The following ELP4 variants were observed in gnomAD, a reference collection of about 807,000 sequenced individuals.
ELP4 encodes the protein elongator complex protein 4.
In ELP4, 51 loss-of-function variants were observed where a neutral mutation model predicts 48.9. That is an observed-to-expected ratio of 1.04 (90% CI 0.83 to 1.32). The LOEUF (loss-of-function observed/expected upper bound fraction) is 1.32, where lower values mean the gene tolerates loss of function less well. ELP4 is among the 40% of genes most tolerant of loss of function. The pLI, the probability that ELP4 is intolerant of heterozygous loss-of-function variation, is 0.00. For missense variants in ELP4, 519 were observed against 514.6 expected (o/e 1.01, Z -0.08); for synonymous variants, 210 against 189.2 (o/e 1.11, Z -0.90).
chr11:31,518,306 A>G (rs931254585), intron 1 of ELP4, among the ~76,000 whole-genome samples: 3 of 151,640 alleles, frequency 2.0e-5, no homozygotes, highest in Non-Finnish European at 4.4e-5. Flanking sequence ...GCGTTTCACT[A>G]TGTTGGTCAG....
intron 3 of ELP4, among the ~76,000 whole-genome samples, chr11:31,590,556 A>G (rs1481634580): frequency 2.0e-5 from 3 of 152,198 alleles, no homozygotes; most frequent in East Asian, 1.9e-4. Context: ...AAAGAAACAG[A>G]TAAGTTGGGT....
chr11:31,608,320 A>G (rs1360628793), intron 5 of ELP4, among the ~76,000 whole-genome samples: 6 of 152,038 alleles, frequency 3.9e-5, no homozygotes, highest in Non-Finnish European at 7.4e-5. Context: ...GAGGTCCTGA[A>G]TGAGTTGATA....
At chr11:31,755,160 T>C (rs995128409) in intron 9 of ELP4, among the ~76,000 whole-genome samples, 6 of 152,130 alleles carry the variant, frequency 3.9e-5, no homozygotes, top group South Asian at 2.1e-4. Flanking sequence ...TAAAACAATT[T>C]GAGCAAGAAA....
At chr11:31,636,157 A>G (rs1434332447) in intron 7 of ELP4, among the ~76,000 whole-genome samples, 1 of 151,992 alleles carries the variant, frequency 6.6e-6, no homozygotes, top group African/African-American at 2.4e-5. Context: ...AAACAAGACA[A>G]ACAAGATTCC....
chr11:31,641,978 A>G (rs1353178688), intron 7 of ELP4, among the ~76,000 whole-genome samples: 3 of 152,004 alleles, frequency 2.0e-5, no homozygotes, highest in Non-Finnish European at 2.9e-5. Context: ...AAAGTACTAA[A>G]AAAAGATTTC....
At position 31,509,971 on chromosome 11, in the gene ELP4, G is replaced by T. The variant is rs1339928293; in HGVS notation, c.187G>T (p.Val63Leu). 5 of 1,612,544 alleles carry T rather than the reference G, an allele frequency of 3.1e-6. No individual in the cohort carries two copies. Among genetic ancestry groups the T allele is most frequent in the East Asian group, 2.2e-5 (1 of 44,876 alleles). ...RPSVRNGQLL[V>L]STGLPALDQL... ...GTCGGTGCGGAATGGACAGCTGCTGGTATCAACCGGGCTCCCAGCCCTAGA... is the reference window on the plus strand; with the variant it reads ...GTCGGTGCGGAATGGACAGCTGCTGTTATCAACCGGGCTCCCAGCCCTAGA... Residue 63 changes from valine (V) to leucine (L), a missense_variant, in exon 1 of 10, where the codon GTA becomes TTA. Transcript: ENST00000640961.
chr11:31,536,587 A>G (rs1956505519), intron 2 of ELP4, among the ~76,000 whole-genome samples: 1 of 152,126 alleles, frequency 6.6e-6, no homozygotes, highest in South Asian at 2.1e-4. Context: ...CCTGACCTCA[A>G]GCAATCCACT....
chr11:31,514,671 A>G lies in ELP4; in HGVS notation c.223+4664A>G, dbSNP rs182165048. 3.3e-5 allele frequency among the ~76,000 whole-genome samples: 5 copies of G among 152,306 alleles called. No individual in the cohort carries two copies. In the East Asian group the frequency reaches 5.8e-4, roughly 18 times the overall value. ...GATATTTCAGTTTTAATTGGTAACT[A>G]TTAGTGTGAGGTCTATGTTGCTTTT... On this transcript the variant is annotated intron_variant, in intron 1 of 9. Transcript: ENST00000640961.
intron 3 of ELP4, among the ~76,000 whole-genome samples, chr11:31,575,933 C>T (rs1565062200): frequency 2.6e-5 from 4 of 152,270 alleles, no homozygotes; most frequent in Non-Finnish European, 4.4e-5. Flanking sequence ...CAAATTCACA[C>T]ATAACAAAAT....
intron 9 of ELP4, among the ~76,000 whole-genome samples, chr11:31,749,858 T>TG (rs1452455213): frequency 6.9e-6 from 1 of 145,090 alleles, no homozygotes; most frequent in East Asian, 2.1e-4. Context: ...TTTATGACAT[T>TG]TTTTTTTTTT....
At chr11:31,582,850 T>C (rs1048040057) in intron 3 of ELP4, among the ~76,000 whole-genome samples, 10 of 151,262 alleles carry the variant, frequency 6.6e-5, no homozygotes, top group African/African-American at 2.2e-4. Flanking sequence ...GGATGCCTTC[T>C]GCCCTTCTGA....
At chr11:31,588,800 T>A (rs1026340471) in intron 3 of ELP4, among the ~76,000 whole-genome samples, 3 of 152,032 alleles carry the variant, frequency 2.0e-5, no homozygotes, top group Non-Finnish European at 4.4e-5. Context: ...CTGGCCAACA[T>A]GGTAAAATCC....
chr11:31,714,657 A>T (rs1370451713), intron 9 of ELP4: 1 of 398,482 alleles, frequency 2.5e-6, no homozygotes, highest in Admixed American at 4.4e-5. Context: ...GGGTCAGCAC[A>T]GCTACGTTCC....
At chr11:31,574,658 T>C (rs976866444) in intron 3 of ELP4, among the ~76,000 whole-genome samples, 2 of 152,160 alleles carry the variant, frequency 1.3e-5, no homozygotes, top group Non-Finnish European at 2.9e-5. Context: ...CCACTGGTGA[T>C]ACTCAGGCAA....
chr11:31,689,963 T>G (rs1347564467), intron 9 of ELP4, among the ~76,000 whole-genome samples: 1 of 152,172 alleles, frequency 6.6e-6, no homozygotes, highest in Non-Finnish European at 1.5e-5. Flanking sequence ...CTCCTCCATA[T>G]ACCAGGGAAA....
At chr11:31,576,254 A>T (rs983844772) in intron 3 of ELP4, among the ~76,000 whole-genome samples, 17 of 152,262 alleles carry the variant, frequency 1.1e-4, no homozygotes, top group Admixed American at 1.1e-3. Context: ...TCCTAAATGT[A>T]TATGCACCCA....
At chr11:31,522,690 AT>A (rs1351612385) in intron 2 of ELP4, among the ~76,000 whole-genome samples, 1 of 152,176 alleles carries the variant, frequency 6.6e-6, no homozygotes, top group Non-Finnish European at 1.5e-5. Context: ...AGCATGTTAA[AT>A]TTTGTAGCTA....
intron 9 of ELP4, among the ~76,000 whole-genome samples, chr11:31,671,659 A>G (rs955627925): frequency 3.9e-5 from 6 of 152,208 alleles, no homozygotes; most frequent in African/African-American, 1.4e-4. Flanking sequence ...TAGCCCTCAC[A>G]GATACATATG....
At chr11:31,745,617 T>C (rs1009104451) in intron 9 of ELP4, among the ~76,000 whole-genome samples, 10 of 152,030 alleles carry the variant, frequency 6.6e-5, no homozygotes, top group African/African-American at 1.7e-4. Flanking sequence ...CTTTGACAAA[T>C]CTGACAAAAA....
Sources: allele counts gnomAD v4.1 joint callset (sites outside exome capture counted in the v4.1 genomes callset), GRCh38; gene constraint gnomAD v4.1.1; transcripts MANE v1.5; gene names NCBI Gene and HGNC (gene_info 2026-07-23, HGNC 2026-07-21).